TTC38: variants seen among roughly 807,000 people sequenced by gnomAD.
TTC38 encodes tetratricopeptide repeat domain 38.
A neutral mutation model predicts 64.2 loss-of-function variants in TTC38; 64 were observed. The observed-to-expected ratio is 1.00, with a 90% confidence interval of 0.81 to 1.23. The LOEUF (loss-of-function observed/expected upper bound fraction) is 1.23. Ranked by LOEUF, TTC38 falls within the 50% of genes most tolerant of loss-of-function variation. TTC38 has a pLI of 0.00. For synonymous variants in TTC38, 254 were observed against 249.3 expected, an observed-to-expected ratio of 1.02 and a Z score of -0.18; for missense variants, 573 against 615.5, an observed-to-expected ratio of 0.93 and a Z score of 0.73.
At chr22:46,279,237 C>G (rs1045876375) in intron 6 of TTC38, among the ~76,000 whole-genome samples, 1 of 152,168 alleles carries the variant, frequency 6.6e-6, no homozygotes, top group South Asian at 2.1e-4. Flanking sequence ...TGGTCTCACG[C>G]TCTGGGGGTC....
intron 5 of TTC38, among the ~76,000 whole-genome samples, chr22:46,277,038 TATATACATAC>T (rs1416529643): frequency 0.011 from 1,160 of 101,536 alleles, 13 homozygotes; most frequent in African/African-American, 0.046. Context: ...ACAATACATA[TATATACATAC>T]ACACACACAC....
Position 46,275,201 on chromosome 22 carries a change from G to A in TTC38, c.366-47G>A. 1 of 1,566,358 alleles carries A rather than the reference G, an allele frequency of 6.4e-7. No homozygotes were observed. Among genetic ancestry groups the A allele is most frequent in the Non-Finnish European group, 8.7e-7 (1 of 1,146,146 alleles). ...AATGCCTCTTACACTCCCTGTGTGGGTGGACTATGTGTTCAGCGTTGGTGA... is the reference window on the plus strand; with the variant it reads ...AATGCCTCTTACACTCCCTGTGTGGATGGACTATGTGTTCAGCGTTGGTGA... On this transcript the variant is annotated intron_variant, in intron 4 of 13. Coordinates refer to ENST00000381031, the MANE Select transcript of TTC38 (RefSeq NM_017931.4). The surrounding 1 kb of genome is among the most constrained non-coding windows in gnomAD (Gnocchi z 4.5).
rs978446990 is a variant in TTC38, at chr22:46,270,806, C to T, written c.112-1529C>T. Among the ~76,000 whole-genome samples the T allele has an allele frequency of 2.0e-5, 3 of 152,026 alleles. No homozygotes were observed. Among genetic ancestry groups the T allele is most frequent in the African/African-American group, 4.8e-5 (2 of 41,372 alleles). On this transcript the variant is annotated intron_variant, in intron 2 of 13. Coordinates refer to ENST00000381031, the MANE Select transcript of TTC38 (RefSeq NM_017931.4). This position sits in a 1 kb window ranked among gnomAD's most constrained non-coding sequence, Gnocchi z 4.7. ...CTGAGATAGTGCCACTGCCTTCCAG[C>T]CTGGGTGACAGGGCAAGACTCCATC...
Position 46,293,253 on chromosome 22 carries a change from C to T in TTC38, c.*369C>T. On this transcript the variant is annotated 3_prime_UTR_variant, in exon 14 of 14. Coordinates refer to ENST00000381031, the MANE Select transcript of TTC38 (RefSeq NM_017931.4). The surrounding 1 kb of genome is among the most constrained non-coding windows in gnomAD (Gnocchi z 6.6). ...GCTGGGACAGGTCTTCCAGAGGCAG[C>T]CTCCCCCCACTGCCTGTCCCCGTCC... is the stretch of plus-strand genomic sequence containing the variant. The T allele has an allele frequency of 8.6e-6, 2 of 233,182 alleles. No homozygotes were observed. The highest frequency in any genetic ancestry group is 1.7e-5 in the Non-Finnish European group (2 of 114,880). The allele number at this position is 233,182 out of a possible 1,614,324, so 14.4% of individuals were successfully genotyped here.
In TTC38 at chr22:46,289,858, G is replaced by A. The variant is rs760168580; in HGVS notation, c.1275G>A (p.Ala425=). ...TCTTCAACCAGCTGCTGATTCACGC[G>A]GCCTTAAACTGCACCTCCAGCGTCC... ...RDVFNQLLIH[A]ALNCTSSVHK... The change falls in exon 13 of 14, where the codon GCG becomes GCA. Residue 425 remains alanine, a synonymous_variant. Coordinates refer to ENST00000381031, the MANE Select transcript of TTC38 (RefSeq NM_017931.4). 11 of 1,614,004 alleles carry A rather than the reference G, an allele frequency of 6.8e-6. No individual in the cohort carries two copies. The highest frequency in any genetic ancestry group is 6.7e-5 in the East Asian group (3 of 44,888).
rs2077537455 is a variant in TTC38, at chr22:46,281,833, C to T, written c.735+115C>T. The stretch of plus-strand genomic sequence containing the variant: ...CATGGCTTAATTCTCGGGGTTCCCT[C>T]TCCTCCTCCACCTGCACCTGCCTCA... On this transcript the variant is annotated intron_variant, in intron 7 of 13. Coordinates refer to ENST00000381031, the MANE Select transcript of TTC38 (RefSeq NM_017931.4). The surrounding 1 kb of genome is among the most constrained non-coding windows in gnomAD (Gnocchi z 5.2). The T allele has an allele frequency of 4.3e-6, 6 of 1,406,022 alleles. No homozygotes were observed. Among genetic ancestry groups the T allele is most frequent in the Non-Finnish European group, 5.9e-6 (6 of 1,009,526 alleles). The allele number at this position is 1,406,022 out of a possible 1,614,324, so 87.1% of individuals were successfully genotyped here. A position where few individuals can be genotyped will look rare whatever the true frequency, so the allele number is the denominator to read the frequency against.
Position 46,288,461 on chromosome 22 carries a change from G to A in TTC38, c.955G>A (p.Val319Met). 1 of 1,614,008 alleles carries A rather than the reference G, an allele frequency of 6.2e-7. No individual in the cohort carries two copies. The highest frequency in any genetic ancestry group is 2.2e-5 in the East Asian group (1 of 44,878). Residue 319 changes from valine to methionine, a missense_variant, in exon 11 of 14, where the codon GTG becomes ATG. This residue lies in a region of TTC38 where 371 missense variants were observed against 381.8 expected (regional missense o/e 0.97). Coordinates refer to ENST00000381031, the MANE Select transcript of TTC38 (RefSeq NM_017931.4). ...CCAGCGGTGGCAGGATGTCCTGCCT[G>A]TGGCCCGGAAGCACAGCCGAGACCA... The part of the protein sequence containing the change: ...VGQRWQDVLP[V>M]ARKHSRDHIL...
chr22:46,281,449 G>T lies in TTC38; in HGVS notation c.616-150G>T. On this transcript the variant is annotated intron_variant, in intron 6 of 13. Coordinates refer to ENST00000381031, the MANE Select transcript of TTC38 (RefSeq NM_017931.4). This position sits in a 1 kb window ranked among gnomAD's most constrained non-coding sequence, Gnocchi z 5.2. The stretch of plus-strand genomic sequence containing the variant: ...GGGCAGGCAGGAAGTGGTGCTAATT[G>T]TCAGTGTTTTGAGTCAGAGCCCCGC... The T allele has an allele frequency of 3.6e-6, 3 of 844,918 alleles. No individual in the cohort carries two copies. The highest frequency in any genetic ancestry group is 5.6e-6 in the Non-Finnish European group (3 of 534,536). 52.3% of individuals were successfully genotyped at this position (844,918 alleles called of 1,614,324 possible).
At chr22:46,268,996 G>C (rs1024197095) in intron 2 of TTC38, 18 of 349,620 alleles carry the variant, frequency 5.1e-5, no homozygotes, top group Admixed American at 8.7e-5. Context: ...CATGGGGAAA[G>C]CTTTTTAAAT....
intron 2 of TTC38, 124 bp downstream of exon 2, chr22:46,268,715 C>T (rs1292874557): frequency 1.8e-5 from 17 of 954,260 alleles, no homozygotes; most frequent in African/African-American, 1.3e-4. Flanking sequence ...GGCGGAGTCT[C>T]GCTCTGTCGC....
chr22:46,278,660 AG>A lies in TTC38; in HGVS notation c.615+1del, dbSNP rs768384677. The A allele has an allele frequency of 2.4e-5, 38 of 1,613,862 alleles. No homozygotes were observed. Among genetic ancestry groups the A allele is most frequent in the Non-Finnish European group, 3.4e-6 (4 of 1,179,870 alleles). On this transcript the variant is annotated frameshift_variant and splice_region_variant, in exon 6 of 14. Transcript: ENST00000381031. LOFTEE classifies it high-confidence loss of function. ...FYDQAEKLAK[E>X]ALSINPTDAW... ...GACCAGGCAGAAAAACTCGCCAAAG[AG>A]GTAAGTGGGTCCTTCCTAAGGTGCC...
Position 46,292,937 on chromosome 22 carries a change from C to G in TTC38, c.*53C>G. 7.1e-7 allele frequency: 1 copy of G among 1,400,536 alleles called. No individual in the cohort carries two copies. The highest frequency in any genetic ancestry group is 1.0e-6 in the Non-Finnish European group (1 of 988,978). The allele number at this position is 1,400,536 out of a possible 1,614,324, so 86.8% of individuals were successfully genotyped here. ...AACCTCAGTGGTGGCGTCACTGCGTCCAGTCAGCTGCTCCACCGGGTTAGG... is the reference window on the plus strand; with the variant it reads ...AACCTCAGTGGTGGCGTCACTGCGTGCAGTCAGCTGCTCCACCGGGTTAGG... On this transcript the variant is annotated 3_prime_UTR_variant, in exon 14 of 14. Transcript: ENST00000381031. This position sits in a 1 kb window ranked among gnomAD's most constrained non-coding sequence, Gnocchi z 6.5.
At position 46,273,445 on chromosome 22, in the gene TTC38, C is replaced by T. The variant is rs568623102; in HGVS notation, c.194-453C>T. Among the ~76,000 whole-genome samples the T allele has an allele frequency of 1.1e-4, 16 of 152,226 alleles. No individual in the cohort carries two copies. The highest frequency in any genetic ancestry group is 1.8e-4 in the Non-Finnish European group (12 of 68,038). On this transcript the variant is annotated intron_variant, in intron 3 of 13. Coordinates refer to ENST00000381031, the MANE Select transcript of TTC38 (RefSeq NM_017931.4). This position sits in a 1 kb window ranked among gnomAD's most constrained non-coding sequence, Gnocchi z 5.1. ...CTGCGAGGGCCACAAGGCACTCACC[C>T]CCACCCTAACTTTTAGCATGTGTGA...
intron 6 of TTC38, chr22:46,280,304 G>A: frequency 2.4e-6 from 1 of 423,278 alleles, no homozygotes; most frequent in South Asian, 1.8e-5. Flanking sequence ...TTAGGGAGGA[G>A]GCGGCAAGCC....
At position 46,274,142 on chromosome 22, in the gene TTC38, TGATGCCCTTGGGAC is replaced by T; in HGVS notation, c.365+75_365+88del. 1.1e-6 allele frequency: 1 copy of T among 926,536 alleles called. No homozygotes were observed. The highest frequency in any genetic ancestry group is 1.6e-6 in the Non-Finnish European group (1 of 630,296). 57.4% of individuals were successfully genotyped at this position (926,536 alleles called of 1,614,324 possible). A position where few individuals can be genotyped will look rare whatever the true frequency, so the allele number is the denominator to read the frequency against. On this transcript the variant is annotated intron_variant, in intron 4 of 13. Transcript: ENST00000381031. This position sits in a 1 kb window ranked among gnomAD's most constrained non-coding sequence, Gnocchi z 4.8. Reference sequence around the variant, plus strand: ...GGGGAGTGGCAGGGTATCCCTTTCCTGATGCCCTTGGGACGGGGGCGGGGTGGGAGAATGCTTCT... The same window carrying T: ...GGGGAGTGGCAGGGTATCCCTTTCCTGGGGGCGGGGTGGGAGAATGCTTCT...
chr22:46,283,974 A>G lies in TTC38; in HGVS notation c.737A>G (p.Asp246Gly), dbSNP rs1263282091. Residue 246 changes from aspartate (D) to glycine (G), a missense_variant and splice_region_variant, in exon 8 of 14, where the codon GAC becomes GGC. Coordinates refer to ENST00000381031, the MANE Select transcript of TTC38 (RefSeq NM_017931.4). The stretch of plus-strand genomic sequence containing the variant: ...TTCTCTTTTTTTTTTTTTCTCCAGG[A>G]CTCTGATATGTTGGCTTGTCATAAC... ...FMQHSETFWKDSDMLACHNYW... is the reference protein window; with the variant it reads ...FMQHSETFWKGSDMLACHNYW... 3 of 1,521,482 alleles carry G rather than the reference A, an allele frequency of 2.0e-6. No individual in the cohort carries two copies. Among genetic ancestry groups the G allele is most frequent in the Admixed American group, 1.8e-5 (1 of 55,848 alleles). The allele number at this position is 1,521,482 out of a possible 1,614,324, so 94.2% of individuals were successfully genotyped here.
At chr22:46,287,051 C>A (rs374332149) in intron 9 of TTC38, 22 bp from the exon 10 acceptor site, 2 of 1,584,396 alleles carry the variant, frequency 1.3e-6, no homozygotes, top group African/African-American at 1.3e-5. Context: ...GCTGAGCCCG[C>A]CTTGGCCGCC....
chr22:46,287,293 C>T, intron 10 of TTC38, 139 bp downstream of exon 10: 1 of 677,664 alleles, frequency 1.5e-6, no homozygotes, highest in East Asian at 2.9e-5. Context: ...TGGCCACTGC[C>T]TTGGGTACCG....
In TTC38 at chr22:46,271,512, C is replaced by CT. The variant is rs1163211012; in HGVS notation, c.112-814dup. Among the ~76,000 whole-genome samples, 23 of 150,394 alleles carry CT rather than the reference C, an allele frequency of 1.5e-4. No homozygotes were observed. The highest frequency in any genetic ancestry group is 8.5e-4 in the South Asian group (4 of 4,732). On this transcript the variant is annotated intron_variant, in intron 2 of 13. Coordinates refer to ENST00000381031, the MANE Select transcript of TTC38 (RefSeq NM_017931.4). This position sits in a 1 kb window ranked among gnomAD's most constrained non-coding sequence, Gnocchi z 5.5. ...ACAGGCATGAGCCACCACACCTGGC[C>CT]TTTTTTTTTCCTTTTCTCTGTCACC... is the stretch of plus-strand genomic sequence containing the variant.
Sources: allele counts gnomAD v4.1 joint callset (sites outside exome capture counted in the v4.1 genomes callset), GRCh38; gene constraint gnomAD v4.1.1; regional missense constraint gnomAD v4.1.1; non-coding constraint Gnocchi (gnomAD v3.1); transcripts MANE v1.5; gene names NCBI Gene and HGNC (gene_info 2026-07-23, HGNC 2026-07-21).